PRKAA1: variants seen among roughly 807,000 people sequenced by gnomAD.
PRKAA1 encodes the protein protein kinase AMP-activated catalytic subunit alpha 1.
A neutral mutation model predicts 56.9 loss-of-function variants in PRKAA1; 23 were observed. The ratio of observed to expected loss-of-function variants is 0.40; its 90% CI spans 0.29 to 0.57. The LOEUF (loss-of-function observed/expected upper bound fraction) is 0.57, where lower values mean the gene tolerates loss of function less well. PRKAA1 is among the 20% of genes least tolerant of loss of function. PRKAA1 has a pLI of 0.39. For missense variants in PRKAA1, 413 were observed against 679.7 expected (o/e 0.61, Z 4.36); for synonymous variants, 226 against 227.0 (o/e 1.00, Z 0.04).
intron 1 of PRKAA1, among the ~76,000 whole-genome samples, chr5:40,782,748 A>C (rs921585110): frequency 6.6e-6 from 1 of 152,146 alleles, no homozygotes; most frequent in African/African-American, 2.4e-5. Flanking sequence ...ATTAGCAAAA[A>C]TAGGAGGGAA....
chr5:40,768,768 T>G (rs967596655), intron 5 of PRKAA1: 3 of 1,322,298 alleles, frequency 2.3e-6, no homozygotes, highest in Non-Finnish European at 2.9e-6. Flanking sequence ...AACTTCAGCT[T>G]CTGTTTTCAA....
rs2112015032 is a variant in PRKAA1 at position 40,771,788 on chromosome 5, C to T, written c.439G>A (p.Val147Ile). 6.2e-7 allele frequency: 1 copy of T among 1,613,464 alleles called. No individual in the cohort carries two copies. Among genetic ancestry groups the T allele is most frequent in the Non-Finnish European group, 8.5e-7 (1 of 1,179,784 alleles). Reference sequence around the variant, plus strand: ...TTTTCAGGTTTCAAATCTCTATGGACCACCATATGCCTGTGACAATAATCC... The same window carrying T: ...TTTTCAGGTTTCAAATCTCTATGGATCACCATATGCCTGTGACAATAATCC... ...GVDYCHRHMV[V>I]HRDLKPENVL... Residue 147 changes from valine to isoleucine, a missense_variant, in exon 4 of 9, where the codon GTC becomes ATC. Physicochemically the swap from Val to Ile is conservative, Grantham distance 29 (BLOSUM62 3). Coordinates refer to ENST00000397128, the MANE Select transcript of PRKAA1 (RefSeq NM_006251.6).
intron 1 of PRKAA1, among the ~76,000 whole-genome samples, chr5:40,784,091 T>C (rs1744372717): frequency 6.6e-6 from 1 of 152,192 alleles, no homozygotes; most frequent in African/African-American, 2.4e-5. Flanking sequence ...ATGCCTGGCA[T>C]ATAGCAAGTG....
At position 40,780,005 on chromosome 5, in the gene PRKAA1, A is replaced by C. The variant is rs186258242; in HGVS notation, c.128-2419T>G. Among the ~76,000 whole-genome samples the C allele has an allele frequency of 7.4e-4, 112 of 152,320 alleles. 1 individual carries two copies. The highest frequency in any genetic ancestry group is 7.3e-3 in the Admixed American group (112 of 15,300). On this transcript the variant is annotated intron_variant, in intron 1 of 8. Coordinates refer to ENST00000397128, the MANE Select transcript of PRKAA1 (RefSeq NM_006251.6). The stretch of plus-strand genomic sequence containing the variant: ...AAAATACATAGCATAGCAAATTGGC[A>C]CTATGTGTGAAAGGGCAGAAGTCAT...
intron 5 of PRKAA1, chr5:40,768,725 A>C (rs1011686474): frequency 6.9e-6 from 9 of 1,299,522 alleles, no homozygotes; most frequent in Non-Finnish European, 7.8e-6. Flanking sequence ...GGTTTGGGTG[A>C]AAAGTTATTA....
At chr5:40,768,797 G>T in intron 5 of PRKAA1, 1 of 1,440,190 alleles carries the variant, frequency 6.9e-7, no homozygotes, top group South Asian at 1.5e-5. Context: ...GTATAGTGAA[G>T]GACAAAGAGT....
At chr5:40,777,375 G>A (rs557213963) in intron 2 of PRKAA1, 70 bp downstream of exon 2, 7 of 1,464,442 alleles carry the variant, frequency 4.8e-6, no homozygotes, top group Non-Finnish European at 6.5e-6. Flanking sequence ...TTTCTCACTT[G>A]TCACATTAAG....
At chr5:40,783,868 A>T (rs1453014562) in intron 1 of PRKAA1, among the ~76,000 whole-genome samples, 1 of 152,190 alleles carries the variant, frequency 6.6e-6, no homozygotes, top group Non-Finnish European at 1.5e-5. Context: ...CCAATTGCAC[A>T]TGTGAAAGCA....
rs745466699 is a variant in PRKAA1, at chr5:40,764,998, C to T, written c.1062G>A (p.Ala354=). 4 of 1,614,134 alleles carry T rather than the reference C, an allele frequency of 2.5e-6. No individual in the cohort carries two copies. Among genetic ancestry groups the T allele is most frequent in the African/African-American group, 1.3e-5 (1 of 75,038 alleles). The change falls in exon 7 of 9, where the codon GCG becomes GCA. Residue 354 remains alanine (A), a synonymous_variant. Transcript: ENST00000397128. ...CAAGAAAAGAATCAGGTGGGCTTGT[C>T]GCCAAATAGAAATCTTTGGCTTCAT... ...IMNEAKDFYL[A]TSPPDSFLDD... is the part of the protein sequence containing the mutation.
At chr5:40,780,009 T>C (rs1744198657) in intron 1 of PRKAA1, among the ~76,000 whole-genome samples, 1 of 152,192 alleles carries the variant, frequency 6.6e-6, no homozygotes, top group Non-Finnish European at 1.5e-5. Context: ...ATTGGCACTA[T>C]GTGTGAAAGG....
In PRKAA1 at chr5:40,761,030, A is replaced by T. The variant is rs1055821252; in HGVS notation, c.*1748T>A. On this transcript the variant is annotated 3_prime_UTR_variant, in exon 9 of 9. Transcript: ENST00000397128. ...GATGCAATTAAGAATGACAAAAAAA[A>T]ATATCAGTGTAAATCAGAAATCTTA... The T allele has an allele frequency of 4.6e-5, 7 of 152,252 alleles. No homozygotes were observed. The highest frequency in any genetic ancestry group is 7.2e-5 in the African/African-American group (3 of 41,430). The allele number at this position is 152,252 out of a possible 1,614,324, so 9.4% of individuals were successfully genotyped here.
rs941176692 is a variant in PRKAA1, at chr5:40,768,512, T to G, written c.597-822A>C. The G allele has an allele frequency of 6.3e-6, 6 of 949,104 alleles. No homozygotes were observed. The African/African-American group carries it at 1.1e-4, about 17-fold the overall frequency. The allele number at this position is 949,104 out of a possible 1,614,324, so 58.8% of individuals were successfully genotyped here. A position where few individuals can be genotyped will look rare whatever the true frequency, so the allele number is the denominator to read the frequency against. On this transcript the variant is annotated intron_variant, in intron 5 of 8. Transcript: ENST00000397128. ...TTTTTTTAAAAATTTTTTAAATAATTTTTGACATTAAGTTAATATTTAAAA... is the reference window on the plus strand; with the variant it reads ...TTTTTTTAAAAATTTTTTAAATAATGTTTGACATTAAGTTAATATTTAAAA...
chr5:40,791,496 C>A (rs1005740943), intron 1 of PRKAA1, among the ~76,000 whole-genome samples: 4 of 152,182 alleles, frequency 2.6e-5, no homozygotes, highest in African/African-American at 9.7e-5. Context: ...AACATTGTAA[C>A]AAATGCTCTT....
Position 40,764,941 on chromosome 5 carries a change from T to A in PRKAA1, c.1119A>T (p.Glu373Asp), listed in dbSNP as rs1331990523. The A allele has an allele frequency of 6.2e-7, 1 of 1,614,168 alleles. No individual in the cohort carries two copies. Among genetic ancestry groups the A allele is most frequent in the Non-Finnish European group, 8.5e-7 (1 of 1,180,004 alleles). The change falls in exon 7 of 9, where the codon GAA (glutamate) becomes GAT (aspartate). Residue 373 changes from glutamate to aspartate, a missense_variant. Physicochemically the swap from Glu to Asp is conservative, Grantham distance 45 (BLOSUM62 2). Around this residue, in one of 9 missense-constraint regions of PRKAA1, gnomAD observed 50 missense variants for 87.7 expected, o/e 0.57. Coordinates refer to ENST00000397128, the MANE Select transcript of PRKAA1 (RefSeq NM_006251.6). Reference protein sequence around the residue: ...DDHHLTRPHPERVPFLVAETP... With the variant: ...DDHHLTRPHPDRVPFLVAETP... ...TTTCAGCAACCAAGAATGGTACTCT[T>A]TCAGGATGGGGCCGAGTCAGGTGAT...
chr5:40,764,598 C>A lies in PRKAA1; in HGVS notation c.1351G>T (p.Val451Leu). The stretch of plus-strand genomic sequence containing the variant: ...CTCATTTTGGAGTAAGTGCTTGTCA[C>A]AGGATTCTTCCTTCGTACACGCAAA... ...YYLRVRRKNP[V>L]TSTYSKMSLQ... is the part of the protein sequence containing the mutation. Residue 451 changes from valine to leucine, a missense_variant, in exon 8 of 9, where the codon GTG becomes TTG. Coordinates refer to ENST00000397128, the MANE Select transcript of PRKAA1 (RefSeq NM_006251.6). The A allele has an allele frequency of 6.2e-7, 1 of 1,613,938 alleles. No homozygotes were observed. Among genetic ancestry groups the A allele is most frequent in the Non-Finnish European group, 8.5e-7 (1 of 1,179,926 alleles).
At chr5:40,777,368 C>A in intron 2 of PRKAA1, 77 bp downstream of exon 2, 1 of 1,447,254 alleles carries the variant, frequency 6.9e-7, no homozygotes, top group South Asian at 1.3e-5. Flanking sequence ...AGTCATTTTT[C>A]TCACTTGTCA....
rs143446225 is a variant in PRKAA1, at chr5:40,784,189, C to T, written c.128-6603G>A. 1.6e-3 allele frequency among the ~76,000 whole-genome samples: 248 copies of T among 152,276 alleles called. 1 individual carries two copies. Among genetic ancestry groups the T allele is most frequent in the South Asian group, 6.4e-3 (31 of 4,826 alleles). ...TGTTCCCCCATCTGTATCTAATCAG[C>T]CCTGAATTATTTGTTTTAATCTCTG... On this transcript the variant is annotated intron_variant, in intron 1 of 8. Transcript: ENST00000397128.
At chr5:40,771,081 C>T (rs1321400589) in intron 4 of PRKAA1, among the ~76,000 whole-genome samples, 7 of 152,140 alleles carry the variant, frequency 4.6e-5, no homozygotes, top group Admixed American at 4.6e-4. Context: ...CACTCACTTT[C>T]CTTCTTCTCC....
At chr5:40,790,282 C>CTA (rs1744661330) in intron 1 of PRKAA1, 1 of 152,182 alleles carries the variant, frequency 6.6e-6, no homozygotes, top group South Asian at 2.1e-4. Flanking sequence ...AACAGGTTTT[C>CTA]TAATTGTACT....
Sources: gnomAD v4.1 joint callset for allele counts (sites outside exome capture counted in the v4.1 genomes callset) on GRCh38, gnomAD v4.1.1 for gene constraint, gnomAD v4.1.1 regional missense constraint, MANE v1.5 for transcripts, NCBI Gene and HGNC (gene_info 2026-07-23, HGNC 2026-07-21) for gene names.